NEDD4: variants seen among roughly 807,000 people sequenced by gnomAD.
NEDD4 encodes NEDD4 E3 ubiquitin protein ligase.
NEDD4 carries 99 observed loss-of-function variants against 144.9 expected under a neutral mutation model. The observed-to-expected ratio is 0.68, with a 90% CI of 0.58 to 0.81. The LOEUF (loss-of-function observed/expected upper bound fraction) is 0.81, where lower values mean the gene tolerates loss of function less well. Among genes scored for constraint, NEDD4 ranks in the 30% least tolerant of loss-of-function variants. The pLI, the probability that NEDD4 is intolerant of heterozygous loss-of-function variation, is 0.00. For synonymous variants in NEDD4, 318 were observed against 350.6 expected (o/e 0.91, Z 1.04); for missense variants, 985 against 1,065.9 (o/e 0.92, Z 1.06).
At chr15:55,910,524 G>C (rs2036238531) in intron 5 of NEDD4, among the ~76,000 whole-genome samples, 2 of 151,830 alleles carry the variant, frequency 1.3e-5, no homozygotes, top group African/African-American at 4.8e-5. Context: ...CACCAAAGTT[G>C]GTGGTCCCCA....
At chr15:55,952,099 C>T (rs867111909) in intron 2 of NEDD4, among the ~76,000 whole-genome samples, 8 of 151,308 alleles carry the variant, frequency 5.3e-5, no homozygotes, top group Middle Eastern at 6.9e-3. Flanking sequence ...GAGGCCGAGG[C>T]GGGCGGATCA....
rs1253372864 is a variant in NEDD4 at position 55,827,559 on chromosome 15, A to G, written c.*2338T>C. 1 of 152,214 alleles carries G rather than the reference A, an allele frequency of 6.6e-6. No individual in the cohort carries two copies. Among genetic ancestry groups the G allele is most frequent in the Non-Finnish European group, 1.5e-5 (1 of 68,036 alleles). The allele number at this position is 152,214 out of a possible 1,614,324, so 9.4% of individuals were successfully genotyped here. Reference sequence around the variant, plus strand: ...TAGATAGTTCACAAACATAATATTTAAATAATTGTGGCAAAATCCTGTTTT... The same window carrying G: ...TAGATAGTTCACAAACATAATATTTGAATAATTGTGGCAAAATCCTGTTTT... On this transcript the variant is annotated 3_prime_UTR_variant, in exon 29 of 29. Transcript: ENST00000435532.
intron 5 of NEDD4, among the ~76,000 whole-genome samples, chr15:55,904,714 G>GA (rs1388477949): frequency 6.6e-6 from 1 of 152,156 alleles, no homozygotes; most frequent in Non-Finnish European, 1.5e-5. Flanking sequence ...ATACGTTAAG[G>GA]AAACCACATT....
In NEDD4 at chr15:55,846,922, A is replaced by G. The variant is rs752794416; in HGVS notation, c.1608+47T>C. 1.0e-5 allele frequency: 12 copies of G among 1,150,714 alleles called. No individual in the cohort carries two copies. The Admixed American group carries it at 2.0e-4, about 19-fold the overall frequency. The allele number at this position is 1,150,714 out of a possible 1,614,324, so 71.3% of individuals were successfully genotyped here. On this transcript the variant is annotated intron_variant, in intron 18 of 28. Transcript: ENST00000435532. ...TAAAAAACATTTCCCATTACTTTCC[A>G]TCTATATATTGATGACTCTTAAGTA...
intron 5 of NEDD4, among the ~76,000 whole-genome samples, chr15:55,876,943 G>T (rs1347505328): frequency 1.3e-5 from 2 of 150,608 alleles, no homozygotes. Context: ...GGGCTCAAGC[G>T]AGTCTCCTGC....
intron 5 of NEDD4, chr15:55,915,504 T>A (rs781473504): frequency 6.2e-7 from 1 of 1,613,884 alleles, no homozygotes; most frequent in Admixed American, 1.7e-5. Context: ...CATCTGTGAA[T>A]GTGGTCTTTC....
intron 5 of NEDD4, among the ~76,000 whole-genome samples, chr15:55,906,548 C>T (rs1317217107): frequency 6.6e-6 from 1 of 151,744 alleles, no homozygotes; most frequent in African/African-American, 2.4e-5. Flanking sequence ...AACCAAACAC[C>T]CCATGTTCTC....
intron 8 of NEDD4, among the ~76,000 whole-genome samples, chr15:55,865,925 G>A (rs1213826270): frequency 6.7e-6 from 1 of 148,194 alleles, no homozygotes; most frequent in East Asian, 2.2e-4. Context: ...GGTCTGGAGG[G>A]GAATTTCTCT....
intron 4 of NEDD4, among the ~76,000 whole-genome samples, chr15:55,948,032 T>C (rs1292244101): frequency 1.3e-5 from 2 of 152,190 alleles, no homozygotes; most frequent in African/African-American, 4.8e-5. Context: ...GCAGATGACA[T>C]GATTGTATAC....
At chr15:55,845,350 G>A (rs1275137470) in intron 18 of NEDD4, among the ~76,000 whole-genome samples, 1 of 151,918 alleles carries the variant, frequency 6.6e-6, no homozygotes, top group Non-Finnish European at 1.5e-5. Flanking sequence ...AATAACCATG[G>A]GACTTGATCA....
At chr15:55,887,436 T>G (rs1223484663) in intron 5 of NEDD4, among the ~76,000 whole-genome samples, 3 of 152,116 alleles carry the variant, frequency 2.0e-5, no homozygotes, top group African/African-American at 7.2e-5. Context: ...GATTGAGCCA[T>G]GAAGAAATCC....
In NEDD4 at chr15:55,964,462, C is replaced by G. The variant is rs1458694463; in HGVS notation, c.119+2011G>C. Among the ~76,000 whole-genome samples the G allele has an allele frequency of 1.2e-4, 19 of 152,140 alleles. No individual in the cohort carries two copies. In the East Asian group the frequency reaches 2.7e-3, roughly 22 times the overall value. On this transcript the variant is annotated intron_variant, in intron 2 of 28. Coordinates refer to ENST00000435532, the MANE Select transcript of NEDD4 (RefSeq NM_006154.4). The stretch of plus-strand genomic sequence containing the variant: ...TTAATTTCAAATGCTGTATTTTTCA[C>G]TCCTGGAATTTTCATTTTTTTATGG...
intron 5 of NEDD4, among the ~76,000 whole-genome samples, chr15:55,879,824 A>T (rs2035120349): frequency 6.6e-6 from 1 of 152,236 alleles, no homozygotes; most frequent in East Asian, 1.9e-4. Flanking sequence ...CTCAGAAAGT[A>T]GAACTAAAAG....
intron 5 of NEDD4, among the ~76,000 whole-genome samples, chr15:55,900,711 G>A (rs1301490413): frequency 1.3e-5 from 2 of 152,104 alleles, no homozygotes; most frequent in Non-Finnish European, 2.9e-5. Context: ...GAGCTTTTAT[G>A]TATGTCTCAA....
At chr15:55,830,486 T>C (rs533055097) in intron 28 of NEDD4, 28 bp downstream of exon 28, 3 of 1,600,566 alleles carry the variant, frequency 1.9e-6, no homozygotes, top group African/African-American at 2.7e-5. Flanking sequence ...TGAGGCTTTG[T>C]TCTATCAAGG....
At chr15:55,989,156 A>G (rs1344505125) in intron 1 of NEDD4, among the ~76,000 whole-genome samples, 2 of 152,188 alleles carry the variant, frequency 1.3e-5, no homozygotes, top group African/African-American at 4.8e-5. Flanking sequence ...AAATCGCTGG[A>G]ACCTGGTAGG....
chr15:55,937,770 T>C (rs1267384513), intron 4 of NEDD4, among the ~76,000 whole-genome samples: 1 of 152,172 alleles, frequency 6.6e-6, no homozygotes, highest in African/African-American at 2.4e-5. Context: ...ACAAATTCAA[T>C]GTTACACTCA....
chr15:55,883,319 G>A (rs532637416), intron 5 of NEDD4, among the ~76,000 whole-genome samples: 10 of 152,190 alleles, frequency 6.6e-5, no homozygotes, highest in African/African-American at 9.7e-5. Flanking sequence ...GAAGGGAAGA[G>A]TGGGAAGAAC....
At chr15:55,969,429 C>T (rs1273852970) in intron 1 of NEDD4, among the ~76,000 whole-genome samples, 1 of 152,154 alleles carries the variant, frequency 6.6e-6, no homozygotes, top group Non-Finnish European at 1.5e-5. Flanking sequence ...ATTTGGGATG[C>T]ACATGAACCA....
Sources: allele counts gnomAD v4.1 joint callset (sites outside exome capture counted in the v4.1 genomes callset), GRCh38; gene constraint gnomAD v4.1.1; transcripts MANE v1.5; gene names NCBI Gene and HGNC (gene_info 2026-07-23, HGNC 2026-07-21).